Variants in SEMA4F observed in about 807,000 individuals in gnomAD.
SEMA4F encodes semaphorin-4F.
In SEMA4F, 51 loss-of-function variants were observed where a neutral mutation model predicts 78.4. The ratio of observed to expected loss-of-function variants is 0.65; its 90% CI spans 0.52 to 0.82. The LOEUF (loss-of-function observed/expected upper bound fraction) is 0.82. SEMA4F is among the 40% of genes least tolerant of loss of function. The pLI is 0.00. For synonymous variants in SEMA4F, 418 were observed against 408.7 expected, an observed-to-expected ratio of 1.02 and a Z score of -0.27; for missense variants, 938 against 1,014.4, an observed-to-expected ratio of 0.92 and a Z score of 1.02.
intron 1 of SEMA4F, chr2:74,655,216 G>A: frequency 3.2e-6 from 1 of 308,596 alleles, no homozygotes; most frequent in Non-Finnish European, 7.0e-6. Context: ...TTGAATATTG[G>A]TAAACCATTC....
intron 4 of SEMA4F, among the ~76,000 whole-genome samples, chr2:74,660,821 C>T (rs1684388806): frequency 6.6e-6 from 1 of 152,170 alleles, no homozygotes; most frequent in African/African-American, 2.4e-5. Context: ...TAGGAAATCT[C>T]TGTGAGGAAG....
chr2:74,707,397 A>G, the SEMA4F span, among the ~76,000 whole-genome samples: 1 of 152,212 alleles, frequency 6.6e-6, no homozygotes. Flanking sequence ...CTATCTAGAG[A>G]GAAATAAAAC....
downstream of SEMA4F, among the ~76,000 whole-genome samples, chr2:74,684,034 T>C (rs1015329579): frequency 4.0e-5 from 6 of 151,708 alleles, no homozygotes; most frequent in African/African-American, 1.5e-4. Flanking sequence ...TCCAACCTTT[T>C]GCAGGAGTCA....
the SEMA4F span, among the ~76,000 whole-genome samples, chr2:74,693,665 G>A: frequency 1.3e-5 from 2 of 152,186 alleles, no homozygotes; most frequent in Admixed American, 6.5e-5. Context: ...TTTGCAGATC[G>A]GGAAGGTGAA....
chr2:74,665,430 T>C (rs541260968), intron 5 of SEMA4F, among the ~76,000 whole-genome samples: 67 of 151,998 alleles, frequency 4.4e-4, no homozygotes, highest in African/African-American at 1.4e-3. Flanking sequence ...GGGGTTTCAC[T>C]GTGTTAGTCA....
chr2:74,694,196 T>C, the SEMA4F span, among the ~76,000 whole-genome samples: 1 of 152,210 alleles, frequency 6.6e-6, no homozygotes, highest in African/African-American at 2.4e-5. Context: ...TTATGCTTTC[T>C]TCTTGATATT....
Position 74,654,368 on chromosome 2 carries a change from G to T in SEMA4F, c.-9G>T. The T allele has an allele frequency of 6.7e-7, 1 of 1,492,864 alleles. No individual in the cohort carries two copies. Among genetic ancestry groups the T allele is most frequent in the Non-Finnish European group, 8.9e-7 (1 of 1,128,998 alleles). 92.5% of individuals were successfully genotyped at this position (1,492,864 alleles called of 1,614,324 possible). On this transcript the variant is annotated 5_prime_UTR_variant, in exon 1 of 14. Transcript: ENST00000357877. ...CTTGCGCCGCACCCGCGGCCAGGCG[G>T]AGCCAAAGATGCCGGCCTCTGCTGC...
In SEMA4F at chr2:74,682,573, G is replaced by A. The variant is rs891421175; in HGVS notation, c.*2364G>A. On this transcript the variant is annotated 3_prime_UTR_variant, in exon 14 of 14. Transcript: ENST00000357877. The stretch of plus-strand genomic sequence containing the variant: ...TTTAGGAGGCAGATCTATGATTTTT[G>A]TAATCCTCAGACCTGTCTGACCTTA... 1.3e-5 allele frequency: 2 copies of A among 152,228 alleles called. No individual in the cohort carries two copies. Among genetic ancestry groups the A allele is most frequent in the African/African-American group, 4.8e-5 (2 of 41,422 alleles). The allele number at this position is 152,228 out of a possible 1,614,324, so 9.4% of individuals were successfully genotyped here. A position where few individuals can be genotyped will look rare whatever the true frequency, so the allele number is the denominator to read the frequency against.
chr2:74,659,043 T>G (rs995959367), intron 4 of SEMA4F, among the ~76,000 whole-genome samples: 2 of 152,186 alleles, frequency 1.3e-5, no homozygotes, highest in African/African-American at 4.8e-5. Context: ...TTGGGGTGGG[T>G]TGGACTTATG....
At chr2:74,703,652 C>T in the SEMA4F span, among the ~76,000 whole-genome samples, 4 of 152,342 alleles carry the variant, frequency 2.6e-5, no homozygotes, top group Admixed American at 2.0e-4. Flanking sequence ...CAGTGGATCC[C>T]CACGTGACCT....
chr2:74,694,073 A>G, the SEMA4F span, among the ~76,000 whole-genome samples: 2 of 152,228 alleles, frequency 1.3e-5, no homozygotes, highest in African/African-American at 4.8e-5. Flanking sequence ...AGTTTAGACA[A>G]CTTGGCTATA....
At chr2:74,655,377 A>T (rs923366404) in intron 1 of SEMA4F, 3 of 311,256 alleles carry the variant, frequency 9.6e-6, no homozygotes, top group African/African-American at 6.6e-5. Context: ...CACATTTTAG[A>T]CTCTGCTGAG....
intron 5 of SEMA4F, among the ~76,000 whole-genome samples, chr2:74,673,204 C>G (rs1048882194): frequency 5.9e-5 from 9 of 152,266 alleles, no homozygotes; most frequent in Admixed American, 6.5e-5. Flanking sequence ...TGAGGGATGC[C>G]TTTATTCTCA....
Position 74,673,537 on chromosome 2 carries a change from GA to G in SEMA4F, c.632del (p.Asp211AlafsTer12). ...CACCAGAGCAGTGGGTCGTGCCGAG[GA>G]CTGGATTCGGACAGATACCTTGCCT... ...IITRAVGRAE[D>X]WIRTDTLPSW... On this transcript the variant is annotated frameshift_variant, in exon 6 of 14. Coordinates refer to ENST00000357877, the MANE Select transcript of SEMA4F (RefSeq NM_004263.5). LOFTEE classifies it high-confidence loss of function. The G allele has an allele frequency of 6.2e-7, 1 of 1,614,174 alleles. No individual in the cohort carries two copies. Among genetic ancestry groups the G allele is most frequent in the Non-Finnish European group, 8.5e-7 (1 of 1,180,014 alleles).
chr2:74,661,815 T>C (rs947359245), intron 4 of SEMA4F, among the ~76,000 whole-genome samples: 4 of 152,192 alleles, frequency 2.6e-5, no homozygotes, highest in African/African-American at 9.7e-5. Flanking sequence ...ACAGCTACCA[T>C]GGAAGTAATT....
At chr2:74,691,286 C>G in the SEMA4F span, among the ~76,000 whole-genome samples, 2 of 152,186 alleles carry the variant, frequency 1.3e-5, no homozygotes, top group Non-Finnish European at 2.9e-5. Flanking sequence ...GAGAACTGAC[C>G]ATGCTGCTCA....
chr2:74,688,931 G>T, the SEMA4F span, among the ~76,000 whole-genome samples: 1 of 152,144 alleles, frequency 6.6e-6, no homozygotes, highest in African/African-American at 2.4e-5. Flanking sequence ...GTCTATTTAG[G>T]TCAGGTTCTG....
At chr2:74,695,129 G>A in the SEMA4F span, among the ~76,000 whole-genome samples, 3,674 of 152,256 alleles carry the variant, frequency 0.024, 128 homozygotes, top group African/African-American at 0.074. Context: ...AATAAAAAGA[G>A]GAAAATTGTT....
chr2:74,659,052 T>C (rs377257231), intron 4 of SEMA4F, among the ~76,000 whole-genome samples: 28 of 152,322 alleles, frequency 1.8e-4, no homozygotes, highest in African/African-American at 4.1e-4. Context: ...GTTGGACTTA[T>C]GTTAAGTCCT....
Sources: gnomAD v4.1 joint callset for allele counts (sites outside exome capture counted in the v4.1 genomes callset) on GRCh38, gnomAD v4.1.1 for gene constraint, MANE v1.5 for transcripts, NCBI Gene and HGNC (gene_info 2026-07-23, HGNC 2026-07-21) for gene names.